Variants in OR2T10 observed in about 807,000 individuals in gnomAD.
OR2T10 encodes olfactory receptor 2T10.
For synonymous variants in OR2T10, 125 were observed against 141.8 expected (o/e 0.88, Z 0.84); for missense variants, 335 against 382.5 (o/e 0.88, Z 1.04).
Position 248,593,849 on chromosome 1 carries a change from T to C in OR2T10, c.-28-53A>G, listed in dbSNP as rs1379402363. On this transcript the variant is annotated intron_variant, in intron 1 of 1. Transcript: ENST00000642090. ...TAATCATGTGTGTACCACGTAAAAG[T>C]ATGTTTGCTTCACTTTACCTTTTAA... 4.3e-6 allele frequency: 3 copies of C among 703,402 alleles called. 1 individual carries two copies. Among genetic ancestry groups the C allele is most frequent in the East Asian group, 5.5e-5 (2 of 36,570 alleles). 43.6% of individuals were successfully genotyped at this position (703,402 alleles called of 1,614,324 possible).
Position 248,592,930 on chromosome 1 carries a change from A to T in OR2T10, c.839T>A (p.Ile280Asn). 1.3e-6 allele frequency: 2 copies of T among 1,566,186 alleles called. No individual in the cohort carries two copies. Among genetic ancestry groups the T allele is most frequent in the Non-Finnish European group, 1.7e-6 (2 of 1,150,408 alleles). The change falls in exon 2 of 2, where the codon ATC becomes AAC. Residue 280 changes from isoleucine to asparagine, a missense_variant. Transcript: ENST00000642090. ...KDMMSSFFYT[I>N]LTPVLNPIIY... Reference sequence around the variant, plus strand: ...GATAGGATTCAAGACAGGTGTAAGGATAGTGTAGAAAAAGGATGACATCAT... The same window carrying T: ...GATAGGATTCAAGACAGGTGTAAGGTTAGTGTAGAAAAAGGATGACATCAT...
Position 248,592,341 on chromosome 1 carries a change from G to A in OR2T10, c.*489C>T. On this transcript the variant is annotated 3_prime_UTR_variant, in exon 2 of 2. Coordinates refer to ENST00000642090, the MANE Select transcript of OR2T10 (RefSeq NM_001004693.2). ...GGATCCCCTGCTTGGGGCAAGTCAG[G>A]GGAAGCCTCAAAGGCTGTTTTGTCA... 1 of 145,688 alleles carries A rather than the reference G, an allele frequency of 6.9e-6. No individual in the cohort carries two copies. The highest frequency in any genetic ancestry group is 2.7e-5 in the African/African-American group (1 of 36,794). The allele number at this position is 145,688 out of a possible 1,614,324, so 9.0% of individuals were successfully genotyped here. A position where few individuals can be genotyped will look rare whatever the true frequency, so the allele number is the denominator to read the frequency against.
chr1:248,593,925 A>C lies in OR2T10; in HGVS notation c.-28-129T>G, dbSNP rs1340460644. On this transcript the variant is annotated intron_variant, in intron 1 of 1. Coordinates refer to ENST00000642090, the MANE Select transcript of OR2T10 (RefSeq NM_001004693.2). ...TTTCCAACATGAACTGTGAATTTGC[A>C]CTAAAAAGAGACAGCACATTAGATT... is the stretch of plus-strand genomic sequence containing the variant. The C allele has an allele frequency of 9.0e-6, 5 of 554,798 alleles. 1 individual carries two copies. The highest frequency in any genetic ancestry group is 6.2e-5 in the Admixed American group (2 of 32,022). The allele number at this position is 554,798 out of a possible 1,614,324, so 34.4% of individuals were successfully genotyped here. A position where few individuals can be genotyped will look rare whatever the true frequency, so the allele number is the denominator to read the frequency against.
rs765870174 is a variant in OR2T10 at position 248,592,998 on chromosome 1, G to T, written c.771C>A (p.Tyr257Ter). The part of the protein sequence containing the change: ...VVSLFYGAAI[Y>*]NYMLPSSYQT... ...GGTAGGAGCTGGGGAGCATGTAGTTGTAAATAGCAGCTCCATAGAAGAGGC... is the reference window on the plus strand; with the variant it reads ...GGTAGGAGCTGGGGAGCATGTAGTTTTAAATAGCAGCTCCATAGAAGAGGC... Residue 257 changes from tyrosine to a stop codon, truncating the protein, a stop_gained, in exon 2 of 2, where the codon TAC (tyrosine) becomes TAA (stop). Coordinates refer to ENST00000642090, the MANE Select transcript of OR2T10 (RefSeq NM_001004693.2). LOFTEE classifies it low-confidence loss of function (END_TRUNC). 7 of 1,572,746 alleles carry T rather than the reference G, an allele frequency of 4.5e-6. 1 individual carries two copies. Among genetic ancestry groups the T allele is most frequent in the Non-Finnish European group, 6.1e-6 (7 of 1,156,714 alleles).
chr1:248,596,150 A>G (rs1660086981), intron 1 of OR2T10, among the ~76,000 whole-genome samples: 1 of 143,782 alleles, frequency 7.0e-6, no homozygotes, highest in Non-Finnish European at 1.5e-5. Context: ...TAGGCGCAAA[A>G]GGGGTAAGGA....
intron 1 of OR2T10, chr1:248,594,971 C>T (rs1477143917): frequency 7.0e-6 from 1 of 143,214 alleles, no homozygotes; most frequent in African/African-American, 2.8e-5. Context: ...AAATGTAGAA[C>T]AAGGAATTCT....
chr1:248,593,023 C>T lies in OR2T10; in HGVS notation c.746G>A (p.Ser249Asn). 6.4e-7 allele frequency: 1 copy of T among 1,572,492 alleles called. No individual in the cohort carries two copies. The highest frequency in any genetic ancestry group is 8.6e-7 in the Non-Finnish European group (1 of 1,156,520). Residue 249 changes from serine (S) to asparagine (N), a missense_variant, in exon 2 of 2, where the codon AGC (serine) becomes AAC (asparagine). Physicochemically the swap from Ser to Asn is conservative, Grantham distance 46. Coordinates refer to ENST00000642090, the MANE Select transcript of OR2T10 (RefSeq NM_001004693.2). ...TTCSSHITVV[S>N]LFYGAAIYNY... ...GTAAATAGCAGCTCCATAGAAGAGG[C>T]TGACCACTGTAATGTGGGAGGAGCA...
rs763335323 is a variant in OR2T10, at chr1:248,593,214, C to T, written c.555G>A (p.Leu185=). 5 of 1,573,424 alleles carry T rather than the reference C, an allele frequency of 3.2e-6. No homozygotes were observed. In the South Asian group the frequency reaches 4.5e-5, roughly 14 times the overall value. The change falls in exon 2 of 2, where the codon TTG becomes TTA. Residue 185 remains leucine (L), a synonymous_variant. Transcript: ENST00000642090. ...QHFFCEVPAV[L]KLSCSDTSLY... ...GTGAGGTGTCTGAGCAAGAGAGCTT[C>T]AAAACAGCAGGGACCTCACAGAAGA... is the stretch of plus-strand genomic sequence containing the variant.
At chr1:248,593,837 A>G (rs1251970864) in intron 1 of OR2T10, 41 bp from the exon 2 acceptor site, 16 of 789,752 alleles carry the variant, frequency 2.0e-5, no homozygotes, top group Non-Finnish European at 3.2e-5. Context: ...TCATGTGTGT[A>G]CCACGTAAAA....
intron 1 of OR2T10, among the ~76,000 whole-genome samples, chr1:248,594,421 TAA>T (rs1159946796): frequency 6.9e-6 from 1 of 143,956 alleles, no homozygotes; most frequent in Non-Finnish European, 1.5e-5. Context: ...TAAATTTCTC[TAA>T]AATGATTTAC....
In OR2T10 at chr1:248,597,567, G is replaced by A. The variant is rs1162837486; in HGVS notation, c.-104C>T. 5 of 143,374 alleles carry A rather than the reference G, an allele frequency of 3.5e-5. No homozygotes were observed. The highest frequency in any genetic ancestry group is 1.4e-4 in the African/African-American group (5 of 36,434). The allele number at this position is 143,374 out of a possible 1,614,324, so 8.9% of individuals were successfully genotyped here. A position where few individuals can be genotyped will look rare whatever the true frequency, so the allele number is the denominator to read the frequency against. On this transcript the variant is annotated 5_prime_UTR_variant, in exon 1 of 2. Transcript: ENST00000642090. The stretch of plus-strand genomic sequence containing the variant: ...ATACTTCCAGTATAGTCGTCCCGAT[G>A]AATGACAGCCTTGTCATTTTCGTTG...
In OR2T10 at chr1:248,592,561, A is replaced by G. The variant is rs1558162840; in HGVS notation, c.*269T>C. On this transcript the variant is annotated 3_prime_UTR_variant, in exon 2 of 2. Coordinates refer to ENST00000642090, the MANE Select transcript of OR2T10 (RefSeq NM_001004693.2). Reference sequence around the variant, plus strand: ...GAAGGTGCTCAAGGGTCATAAACACATTTATTTTCATATTTCTCCACTGTA... The same window carrying G: ...GAAGGTGCTCAAGGGTCATAAACACGTTTATTTTCATATTTCTCCACTGTA... 6.5e-6 allele frequency: 2 copies of G among 308,112 alleles called. No homozygotes were observed. The highest frequency in any genetic ancestry group is 1.2e-4 in the East Asian group (2 of 16,590). 19.1% of individuals were successfully genotyped at this position (308,112 alleles called of 1,614,324 possible).
Position 248,593,028 on chromosome 1 carries a change from C to T in OR2T10, c.741G>A (p.Val247=). 1 of 1,572,286 alleles carries T rather than the reference C, an allele frequency of 6.4e-7. No homozygotes were observed. Among genetic ancestry groups the T allele is most frequent in the Non-Finnish European group, 8.6e-7 (1 of 1,156,400 alleles). Residue 247 remains valine, a synonymous_variant, in exon 2 of 2, where the codon GTG becomes GTA. Transcript: ENST00000642090. ...AFTTCSSHIT[V]VSLFYGAAIY... ...TAGCAGCTCCATAGAAGAGGCTGACCACTGTAATGTGGGAGGAGCAGGTGG... is the reference window on the plus strand; with the variant it reads ...TAGCAGCTCCATAGAAGAGGCTGACTACTGTAATGTGGGAGGAGCAGGTGG...
At chr1:248,594,139 A>G (rs1440000283) in intron 1 of OR2T10, among the ~76,000 whole-genome samples, 1 of 142,830 alleles carries the variant, frequency 7.0e-6, no homozygotes, top group Admixed American at 6.8e-5. Flanking sequence ...CCCAAATCCC[A>G]TTCCCATGGG....
chr1:248,593,430 G>A lies in OR2T10; in HGVS notation c.339C>T (p.Cys113=), dbSNP rs764231271. Residue 113 remains cysteine (C), a synonymous_variant, in exon 2 of 2, where the codon TGC becomes TGT. Transcript: ENST00000642090. ...FYLQLGGAEC[C]LLAAMAYDRY... ...GGTCATAGGCCATGGCGGCTAGAAG[G>A]CAGCACTCTGCACCTCCCAACTGCA... 3.2e-6 allele frequency: 5 copies of A among 1,571,774 alleles called. 1 individual carries two copies. In the East Asian group the frequency reaches 6.9e-5, roughly 22 times the overall value.
rs920455105 is a variant in OR2T10 at position 248,595,279 on chromosome 1, A to T, written c.-28-1483T>A. Among the ~76,000 whole-genome samples the T allele has an allele frequency of 7.0e-5, 10 of 143,770 alleles. 1 individual carries two copies. Among genetic ancestry groups the T allele is most frequent in the African/African-American group, 1.9e-4 (7 of 36,528 alleles). The allele number at this position is 143,770 out of a possible 152,430, so 94.3% of individuals were successfully genotyped here. ...ATAGTTTTAGATATCATTAATGTTC[A>T]ATATATTAATAACGTGTCAAATGTT... is the stretch of plus-strand genomic sequence containing the variant. On this transcript the variant is annotated intron_variant, in intron 1 of 1. Coordinates refer to ENST00000642090, the MANE Select transcript of OR2T10 (RefSeq NM_001004693.2).
At chr1:248,596,422 G>A (rs1409974926) in intron 1 of OR2T10, among the ~76,000 whole-genome samples, 1 of 142,816 alleles carries the variant, frequency 7.0e-6, no homozygotes, top group Non-Finnish European at 1.5e-5. Context: ...GAGCTAGTCA[G>A]GGTGAGCATA....
intron 1 of OR2T10, chr1:248,594,810 A>C (rs1481845451): frequency 7.0e-6 from 1 of 143,716 alleles, no homozygotes; most frequent in Non-Finnish European, 1.5e-5. Flanking sequence ...GTTTGCCTCA[A>C]TTTATACTTA....
At position 248,592,732 on chromosome 1, in the gene OR2T10, G is replaced by A; in HGVS notation, c.*98C>T. 1.4e-6 allele frequency: 1 copy of A among 717,228 alleles called. No homozygotes were observed. The highest frequency in any genetic ancestry group is 2.7e-5 in the East Asian group (1 of 36,644). The allele number at this position is 717,228 out of a possible 1,614,324, so 44.4% of individuals were successfully genotyped here. ...ATCCCCCTGAAGGACAACTCAGGGA[G>A]TCAGACACTACCACAATATGCTGAT... On this transcript the variant is annotated 3_prime_UTR_variant, in exon 2 of 2. Transcript: ENST00000642090.
Sources: allele counts gnomAD v4.1 joint callset (sites outside exome capture counted in the v4.1 genomes callset), GRCh38; gene constraint gnomAD v4.1.1; transcripts MANE v1.5; gene names NCBI Gene and HGNC (gene_info 2026-07-23, HGNC 2026-07-21).